IFRD2: variants seen among roughly 807,000 people sequenced by gnomAD.
The protein encoded by IFRD2 is interferon-related developmental regulator 2.
In IFRD2, 35 loss-of-function variants were observed where a neutral mutation model predicts 49.2. The ratio of observed to expected loss-of-function variants is 0.71; its 90% CI spans 0.54 to 0.94. The LOEUF (loss-of-function observed/expected upper bound fraction) is 0.94. IFRD2 is among the 40% of genes least tolerant of loss of function. The probability of loss-of-function intolerance (pLI) is 0.00; values close to 1 mark genes in which losing one functional copy is unlikely to be tolerated. For synonymous variants in IFRD2, 275 were observed against 239.7 expected, an observed-to-expected ratio of 1.15 and a Z score of -1.36; for missense variants, 561 against 591.6, an observed-to-expected ratio of 0.95 and a Z score of 0.54.
intron 1 of IFRD2, 78 bp from the exon 2 acceptor site, chr3:50,290,757 A>G (rs1438415945): frequency 7.1e-6 from 11 of 1,538,844 alleles, no homozygotes; most frequent in African/African-American, 1.4e-5. Flanking sequence ...CGACCTCATA[A>G]TCCCAAAAGA....
chr3:50,291,007 CTTTT>C (rs11306616), intron 1 of IFRD2, among the ~76,000 whole-genome samples: 4 of 94,400 alleles, frequency 4.2e-5, no homozygotes, highest in Non-Finnish European at 4.5e-5. Flanking sequence ...TCCCCGCCAC[CTTTT>C]TTTTTTTTTT....
In IFRD2 at chr3:50,288,785, T is replaced by C. The variant is rs904880142; in HGVS notation, c.1023+15A>G. The C allele has an allele frequency of 8.7e-6, 14 of 1,612,814 alleles. No homozygotes were observed. Among genetic ancestry groups the C allele is most frequent in the Non-Finnish European group, 8.5e-6 (10 of 1,179,348 alleles). On this transcript the variant is annotated intron_variant, in intron 9 of 11. Coordinates refer to ENST00000417626, the MANE Select transcript of IFRD2 (RefSeq NM_006764.5). ...GGGTGCACCCTTGCTAGGACACATA[T>C]GTTCTCACACACACCTCCACGGAGT... is the stretch of plus-strand genomic sequence containing the variant.
chr3:50,292,082 G>T, intron 1 of IFRD2, 135 bp downstream of exon 1: 1 of 977,850 alleles, frequency 1.0e-6, no homozygotes. Flanking sequence ...TGCCAGCCTC[G>T]GTAGAGTTAT....
rs1332816075 is a variant in IFRD2, at chr3:50,289,322, CT to C, written c.817del (p.Ser273ValfsTer2). The C allele has an allele frequency of 6.2e-7, 1 of 1,601,660 alleles. No individual in the cohort carries two copies. Among genetic ancestry groups the C allele is most frequent in the South Asian group, 1.1e-5 (1 of 88,792 alleles). On this transcript the variant is annotated frameshift_variant, in exon 8 of 12. Coordinates refer to ENST00000417626, the MANE Select transcript of IFRD2 (RefSeq NM_006764.5). LOFTEE classifies it high-confidence loss of function. ...PRLPQLLSSESVNLRIAAGET... is the reference protein window; with the variant it reads ...PRLPQLLSSEXVNLRIAAGET... ...ACCGGCAGCGATCCGCAGGTTCACACTTTCACTGGACAAGAGCTGGGGCAGC... is the reference window on the plus strand; with the variant it reads ...ACCGGCAGCGATCCGCAGGTTCACACTTCACTGGACAAGAGCTGGGGCAGC...
intron 7 of IFRD2, 32 bp downstream of exon 7, chr3:50,289,415 C>A (rs1378652109): frequency 1.9e-6 from 3 of 1,567,276 alleles, no homozygotes. Context: ...CTTTGAGATC[C>A]CCTCCCCCTC....
At position 50,288,163 on chromosome 3, in the gene IFRD2, G is replaced by A; in HGVS notation, c.*28C>T. On this transcript the variant is annotated 3_prime_UTR_variant, in exon 12 of 12. Transcript: ENST00000417626. ...GTTAAAAATACGGACCAAGGGCATA[G>A]AAAGTCTCCTCTTCAGCAGGTCCTG... The A allele has an allele frequency of 1.3e-6, 2 of 1,584,146 alleles. No homozygotes were observed. The highest frequency in any genetic ancestry group is 1.7e-6 in the Non-Finnish European group (2 of 1,154,340).
intron 5 of IFRD2, 61 bp downstream of exon 5, chr3:50,289,868 C>T: frequency 1.9e-6 from 3 of 1,602,976 alleles, no homozygotes; most frequent in South Asian, 2.2e-5. Flanking sequence ...ATAGGGGGAA[C>T]CCACCACTCT....
intron 8 of IFRD2, 145 bp from the exon 9 acceptor site, chr3:50,289,082 C>CAG: frequency 7.2e-6 from 9 of 1,241,846 alleles, no homozygotes; most frequent in Non-Finnish European, 1.0e-5. Flanking sequence ...TCTGTCAGGC[C>CAG]AGGACACCAC....
In IFRD2 at chr3:50,291,073, C is replaced by T. The variant is rs938941890; in HGVS notation, c.59-394G>A. On this transcript the variant is annotated intron_variant, in intron 1 of 11. Coordinates refer to ENST00000417626, the MANE Select transcript of IFRD2 (RefSeq NM_006764.5). The stretch of plus-strand genomic sequence containing the variant: ...TGTTGCCCAGGCTGGAGTGCAATGA[C>T]GCCATCTCGGCTCACTGCGACCTCT... Among the ~76,000 whole-genome samples the T allele has an allele frequency of 6.8e-5, 10 of 147,052 alleles. No individual in the cohort carries two copies. In the South Asian group the frequency reaches 1.3e-3, roughly 19 times the overall value.
At position 50,288,117 on chromosome 3, in the gene IFRD2, C is replaced by A. The variant is rs181671415; in HGVS notation, c.*74G>T. 8 of 1,243,316 alleles carry A rather than the reference C, an allele frequency of 6.4e-6. 1 individual carries two copies. Among genetic ancestry groups the A allele is most frequent in the African/African-American group, 5.9e-5 (4 of 67,232 alleles). The allele number at this position is 1,243,316 out of a possible 1,614,324, so 77.0% of individuals were successfully genotyped here. On this transcript the variant is annotated 3_prime_UTR_variant, in exon 12 of 12. Transcript: ENST00000417626. ...ATAAAGTGACAAATACTGGTGGAGA[C>A]CAGTTGTTGCACTGTCTTCTGTTAA...
chr3:50,291,006 CCT>C (rs1491375852), intron 1 of IFRD2, among the ~76,000 whole-genome samples: 2 of 125,410 alleles, frequency 1.6e-5, no homozygotes, highest in African/African-American at 6.0e-5. Flanking sequence ...CTCCCCGCCA[CCT>C]TTTTTTTTTT....
At chr3:50,291,595 C>T (rs1371587881) in intron 1 of IFRD2, among the ~76,000 whole-genome samples, 1 of 152,198 alleles carries the variant, frequency 6.6e-6, no homozygotes, top group Non-Finnish European at 1.5e-5. Flanking sequence ...TTTCCTCCTT[C>T]CTGTGCCCGG....
At chr3:50,290,328 C>T (rs377155857) in intron 3 of IFRD2, 34 bp from the exon 4 acceptor site, 316 of 1,605,214 alleles carry the variant, frequency 2.0e-4, no homozygotes, top group Admixed American at 6.9e-4. Context: ...TCATATGGGC[C>T]AGCCCTCCCT....
rs199606756 is a variant in IFRD2, at chr3:50,288,660, T to C, written c.1075A>G (p.Met359Val). ...ATCCGGTGCCGAGCCCAGCTGTCCATGTAGAGCACCTCAAAGCCGAAGCGC... is the reference window on the plus strand; with the variant it reads ...ATCCGGTGCCGAGCCCAGCTGTCCACGTAGAGCACCTCAAAGCCGAAGCGC... ...IVRFGFEVLY[M>V]DSWARHRIYA... Residue 359 changes from methionine (M) to valine (V), a missense_variant, in exon 10 of 12, where the codon ATG becomes GTG. Coordinates refer to ENST00000417626, the MANE Select transcript of IFRD2 (RefSeq NM_006764.5). The C allele has an allele frequency of 1.7e-4, 272 of 1,613,222 alleles. No homozygotes were observed. Among genetic ancestry groups the C allele is most frequent in the Middle Eastern group, 8.2e-4 (5 of 6,062 alleles).
At chr3:50,292,057 G>T in intron 1 of IFRD2, 160 bp downstream of exon 1, 1 of 766,534 alleles carries the variant, frequency 1.3e-6, no homozygotes, top group South Asian at 2.3e-5. Flanking sequence ...CGTGGCCAAT[G>T]ACTGCTGGGG....
rs11306616 is a variant in IFRD2, at chr3:50,291,007, CTT to C, written c.59-330_59-329del. Among the ~76,000 whole-genome samples, 132 of 94,422 alleles carry C rather than the reference CTT, an allele frequency of 1.4e-3. 1 individual carries two copies. The highest frequency in any genetic ancestry group is 1.5e-3 in the African/African-American group (38 of 25,114). The allele number at this position is 94,422 out of a possible 152,430, so 61.9% of individuals were successfully genotyped here. On this transcript the variant is annotated intron_variant, in intron 1 of 11. Coordinates refer to ENST00000417626, the MANE Select transcript of IFRD2 (RefSeq NM_006764.5). ...CGCACTGGCCTCTGCTCCCCGCCAC[CTT>C]TTTTTTTTTTTTTTTTTTTTGAGAC...
chr3:50,289,028 A>T, intron 8 of IFRD2, 91 bp from the exon 9 acceptor site: 1 of 1,514,328 alleles, frequency 6.6e-7, no homozygotes, highest in Non-Finnish European at 9.0e-7. Flanking sequence ...TTTCACTGAG[A>T]GACCCTCTCT....
At position 50,290,490 on chromosome 3, in the gene IFRD2, C is replaced by T. The variant is rs782056496; in HGVS notation, c.179-18G>A. On this transcript the variant is annotated intron_variant, in intron 2 of 11. Coordinates refer to ENST00000417626, the MANE Select transcript of IFRD2 (RefSeq NM_006764.5). ...ATCCCCCCCTGCAAGGCCACCTGGT[C>T]AGCACCGCTTCTTGTCCTCAGCCCA... 3 of 1,585,962 alleles carry T rather than the reference C, an allele frequency of 1.9e-6. No homozygotes were observed. Among genetic ancestry groups the T allele is most frequent in the Admixed American group, 3.6e-5 (2 of 55,464 alleles).
intron 1 of IFRD2, 67 bp downstream of exon 1, chr3:50,292,150 C>T (rs1701689145): frequency 7.1e-7 from 1 of 1,415,950 alleles, no homozygotes; most frequent in African/African-American, 1.5e-5. Context: ...CGAGAACAAC[C>T]AAGGGGATCC....
Sources: gnomAD v4.1 joint callset for allele counts (sites outside exome capture counted in the v4.1 genomes callset) on GRCh38, gnomAD v4.1.1 for gene constraint, MANE v1.5 for transcripts, NCBI Gene and HGNC (gene_info 2026-07-23, HGNC 2026-07-21) for gene names.